UNC13C: variants seen among roughly 807,000 people sequenced by gnomAD.
The protein encoded by UNC13C is protein unc-13 homolog C.
UNC13C carries 174 observed loss-of-function variants against 245.4 expected under a neutral mutation model. The ratio of observed to expected loss-of-function variants is 0.71; its 90% CI spans 0.63 to 0.80. The LOEUF is 0.80. Among genes scored for constraint, UNC13C ranks in the 30% least tolerant of loss-of-function variants. The pLI, the probability that UNC13C is intolerant of heterozygous loss-of-function variation, is 0.00. For synonymous variants in UNC13C, 992 were observed against 895.1 expected (o/e 1.11, Z -1.93); for missense variants, 2,829 against 2,602.9 (o/e 1.09, Z -1.89).
At chr15:54,445,618 C>A (rs959809438) in intron 19 of UNC13C, among the ~76,000 whole-genome samples, 10 of 152,252 alleles carry the variant, frequency 6.6e-5, no homozygotes, top group African/African-American at 2.4e-4. Context: ...CTGTTCATAT[C>A]CTCTGCCCAG....
At position 54,369,191 on chromosome 15, in the gene UNC13C, T is replaced by TC. The variant is rs904399477; in HGVS notation, c.4714-23848dup. Among the ~76,000 whole-genome samples, 488 of 135,572 alleles carry TC rather than the reference T, an allele frequency of 3.6e-3. 10 individuals carry two copies. In the East Asian group the frequency reaches 0.12, roughly 34 times the overall value. The allele number at this position is 135,572 out of a possible 152,430, so 88.9% of individuals were successfully genotyped here. On this transcript the variant is annotated intron_variant, in intron 17 of 32. Coordinates refer to ENST00000260323, the MANE Select transcript of UNC13C (RefSeq NM_001080534.3). ...GACCATCTGGGATCGATGATTAACC[T>TC]CCCCCCCCCAAAAAAAAAAGTTGAA...
At chr15:54,399,628 AAG>A (rs2040141205) in intron 18 of UNC13C, among the ~76,000 whole-genome samples, 1 of 151,674 alleles carries the variant, frequency 6.6e-6, no homozygotes, top group African/African-American at 2.4e-5. Context: ...AGATAGCAGA[AAG>A]TATCTCAATG....
chr15:54,356,813 T>TA (rs1353006551), intron 17 of UNC13C, among the ~76,000 whole-genome samples: 2 of 152,178 alleles, frequency 1.3e-5, no homozygotes, highest in African/African-American at 4.8e-5. Flanking sequence ...ATTTGATAGA[T>TA]ATAAAAAATT....
At chr15:53,936,253 C>G in the UNC13C span, among the ~76,000 whole-genome samples, 5 of 152,014 alleles carry the variant, frequency 3.3e-5, no homozygotes, top group African/African-American at 1.2e-4. Flanking sequence ...CACAAGGCAG[C>G]AGATCATGGC....
intron 10 of UNC13C, among the ~76,000 whole-genome samples, chr15:54,284,871 A>G (rs187766487): frequency 3.4e-4 from 52 of 152,284 alleles, no homozygotes; most frequent in African/African-American, 1.3e-3. Flanking sequence ...TTTATTAGTC[A>G]TCAAAACAGC....
intron 4 of UNC13C, among the ~76,000 whole-genome samples, chr15:54,227,160 C>G (rs552797524): frequency 6.6e-6 from 1 of 152,262 alleles, no homozygotes; most frequent in South Asian, 2.1e-4. Context: ...AGCTCCTTTC[C>G]TCAGGCAGAT....
chr15:54,612,028 G>T lies in UNC13C; in HGVS notation c.6107-10299G>T, dbSNP rs189999159. On this transcript the variant is annotated intron_variant, in intron 30 of 32. Coordinates refer to ENST00000260323, the MANE Select transcript of UNC13C (RefSeq NM_001080534.3). ...GATTTACTCAGCAATTACAAAATAAGTTTATTTCTCATTTTCAACCAGAAT... is the reference window on the plus strand; with the variant it reads ...GATTTACTCAGCAATTACAAAATAATTTTATTTCTCATTTTCAACCAGAAT... 5.6e-3 allele frequency among the ~76,000 whole-genome samples: 849 copies of T among 151,822 alleles called. 9 individuals carry two copies. Among genetic ancestry groups the T allele is most frequent in the African/African-American group, 0.02 (810 of 41,476 alleles).
intron 17 of UNC13C, among the ~76,000 whole-genome samples, chr15:54,372,737 G>T (rs1215091444): frequency 1.3e-5 from 2 of 152,122 alleles, no homozygotes; most frequent in African/African-American, 4.8e-5. Flanking sequence ...TAGATTCTGA[G>T]GTGAAGAATT....
intron 2 of UNC13C, among the ~76,000 whole-genome samples, chr15:54,114,817 T>C (rs1214153970): frequency 1.3e-5 from 2 of 152,168 alleles, no homozygotes; most frequent in East Asian, 3.8e-4. Flanking sequence ...ATTACATGAA[T>C]GTTTCCATGC....
chr15:53,891,801 T>G, the UNC13C span, among the ~76,000 whole-genome samples: 1 of 152,256 alleles, frequency 6.6e-6, no homozygotes, highest in Non-Finnish European at 1.5e-5. Context: ...CGATGGGTCT[T>G]GACTGTTTAT....
At chr15:53,887,463 T>C in the UNC13C span, among the ~76,000 whole-genome samples, 1 of 152,154 alleles carries the variant, frequency 6.6e-6, no homozygotes, top group African/African-American at 2.4e-5. Flanking sequence ...CTTATCCTCT[T>C]TTTTAGATAT....
intron 1 of UNC13C, among the ~76,000 whole-genome samples, chr15:53,979,872 CTCA>C (rs1893856186): frequency 6.6e-6 from 1 of 152,036 alleles, no homozygotes; most frequent in African/African-American, 2.4e-5. Flanking sequence ...CCACCTTTTG[CTCA>C]TCAATACTTT....
At chr15:54,544,587 C>A (rs1382839291) in intron 26 of UNC13C, among the ~76,000 whole-genome samples, 7 of 152,030 alleles carry the variant, frequency 4.6e-5, no homozygotes, top group African/African-American at 7.2e-5. Flanking sequence ...CTGATAAGAA[C>A]CTTAAGCAAA....
the UNC13C span, among the ~76,000 whole-genome samples, chr15:53,839,573 T>C: frequency 6.6e-6 from 1 of 152,146 alleles, no homozygotes; most frequent in South Asian, 2.1e-4. Flanking sequence ...TATTTTAACG[T>C]TGACTTCTAT....
At position 54,014,675 on chromosome 15, in the gene UNC13C, A is replaced by C; in HGVS notation, c.1772A>C (p.Gln591Pro). The C allele has an allele frequency of 6.2e-7, 1 of 1,613,748 alleles. No individual in the cohort carries two copies. Among genetic ancestry groups the C allele is most frequent in the Non-Finnish European group, 8.5e-7 (1 of 1,179,828 alleles). The change falls in exon 2 of 33, where the codon CAG (glutamine) becomes CCG (proline). Residue 591 changes from glutamine (Q) to proline (P), a missense_variant. Gln to Pro is a moderately conservative substitution (Grantham distance 76, BLOSUM62 -1). Coordinates refer to ENST00000260323, the MANE Select transcript of UNC13C (RefSeq NM_001080534.3). ...GACCGGGAGCTATGGCAGAGGAAACAGGAAGGAACAGCGACCCTGTATGAC... is the reference window on the plus strand; with the variant it reads ...GACCGGGAGCTATGGCAGAGGAAACCGGAAGGAACAGCGACCCTGTATGAC... ...SSDRELWQRK[Q>P]EGTATLYDSP...
intron 30 of UNC13C, among the ~76,000 whole-genome samples, chr15:54,594,009 A>G (rs1432527977): frequency 6.6e-6 from 1 of 152,154 alleles, no homozygotes; most frequent in Admixed American, 6.5e-5. Flanking sequence ...TTTTTGTGCC[A>G]CAGGGTTTTC....
chr15:54,247,297 CT>C (rs2036017633), intron 7 of UNC13C, among the ~76,000 whole-genome samples: 2 of 152,006 alleles, frequency 1.3e-5, no homozygotes, highest in Admixed American at 6.6e-5. Context: ...CTCTTTTCAC[CT>C]TATTCCACAC....
At chr15:54,227,506 C>T (rs941472819) in intron 4 of UNC13C, among the ~76,000 whole-genome samples, 1 of 152,216 alleles carries the variant, frequency 6.6e-6, no homozygotes, top group Non-Finnish European at 1.5e-5. Context: ...CCCCTCCCTC[C>T]CTTCCTGAGC....
chr15:54,142,462 T>C (rs1296208684), intron 2 of UNC13C, among the ~76,000 whole-genome samples: 1 of 152,208 alleles, frequency 6.6e-6, no homozygotes, highest in Non-Finnish European at 1.5e-5. Flanking sequence ...ATGTGTAAGA[T>C]GGAATCAACT....
Sources: allele counts gnomAD v4.1 joint callset (sites outside exome capture counted in the v4.1 genomes callset), GRCh38; gene constraint gnomAD v4.1.1; transcripts MANE v1.5; gene names NCBI Gene and HGNC (gene_info 2026-07-23, HGNC 2026-07-21).